LYST: variants seen among roughly 807,000 people sequenced by gnomAD.
LYST encodes lysosomal trafficking regulator.
A neutral mutation model predicts 413.6 loss-of-function variants in LYST; 192 were observed. The ratio of observed to expected loss-of-function variants is 0.46; its 90% CI spans 0.41 to 0.52. LYST has a LOEUF of 0.52. LYST is among the 20% of genes least tolerant of loss of function. LYST has a pLI of 0.00. For missense variants in LYST, 3,815 were observed against 4,499.9 expected (o/e 0.85, Z 4.35); for synonymous variants, 1,525 against 1,567.3 (o/e 0.97, Z 0.64).
intron 37 of LYST, among the ~76,000 whole-genome samples, chr1:235,728,352 C>T (rs1664081782): frequency 6.6e-6 from 1 of 152,038 alleles, no homozygotes; most frequent in Non-Finnish European, 1.5e-5. Context: ...AAAAAGGTTG[C>T]AGGGAGCTCT....
Position 235,777,149 on chromosome 1 carries a change from T to A in LYST, c.5374A>T (p.Asn1792Tyr). ...SILLEPHHLK[N>Y]LQPTEYKTIQ... ...GTTTTATATTCAGTAGGTTGGAGAT[T>A]CTTTAGATGATGAGGTTCTAATAAG... Residue 1792 changes from asparagine (N) to tyrosine (Y), a missense_variant, in exon 17 of 53, where the codon AAT (asparagine) becomes TAT (tyrosine). Asn to Tyr is a moderately radical substitution (Grantham distance 143). Coordinates refer to ENST00000389793, the MANE Select transcript of LYST (RefSeq NM_000081.4). 6.2e-7 allele frequency: 1 copy of A among 1,613,404 alleles called. No individual in the cohort carries two copies. The highest frequency in any genetic ancestry group is 8.5e-7 in the Non-Finnish European group (1 of 1,179,510).
intron 3 of LYST, among the ~76,000 whole-genome samples, chr1:235,818,632 T>C (rs1348227261): frequency 6.6e-6 from 1 of 151,624 alleles, no homozygotes; most frequent in Non-Finnish European, 1.5e-5. Context: ...ATGTACATGG[T>C]CTTTTAAAAA....
At position 235,759,460 on chromosome 1, in the gene LYST, C is replaced by A. The variant is rs149188765; in HGVS notation, c.6393G>T (p.Arg2131Ser). 5.0e-6 allele frequency: 8 copies of A among 1,613,926 alleles called. No homozygotes were observed. The African/African-American group carries it at 5.3e-5, about 11-fold the overall frequency. ...CATAAGTATCTGCAATATTTTGTAA[C>A]CTGTCGATACTACAACCCAAACTTC... ...LTGSLGCSID[R>S]LQNIADTYVA... is the part of the protein sequence containing the mutation. The change falls in exon 23 of 53, where the codon AGG becomes AGT. Residue 2131 changes from arginine to serine, a missense_variant. Physicochemically the swap from Arg to Ser is moderately radical, Grantham distance 110 (BLOSUM62 -1). This residue lies in a region of LYST where 530 missense variants were observed against 696.5 expected (regional missense o/e 0.76). Coordinates refer to ENST00000389793, the MANE Select transcript of LYST (RefSeq NM_000081.4).
chr1:235,720,830 G>A lies in LYST; in HGVS notation c.9391C>T (p.Leu3131=). The part of the protein sequence containing the change: ...NLLEYGNITA[L]TNLWYTGQIT... The stretch of plus-strand genomic sequence containing the variant: ...TGCCCAGTATACCATAAATTTGTCA[G>A]AGCGGTGATGTTACCATATTCCAGA... The change falls in exon 40 of 53, where the codon CTG becomes TTG. Residue 3131 remains leucine (L), a synonymous_variant. Transcript: ENST00000389793. 2 of 1,613,902 alleles carry A rather than the reference G, an allele frequency of 1.2e-6. No homozygotes were observed. The highest frequency in any genetic ancestry group is 1.7e-6 in the Non-Finnish European group (2 of 1,179,828).
rs184235900 is a variant in LYST at position 235,810,660 on chromosome 1, G to C, written c.284-126C>G. 136 of 837,262 alleles carry C rather than the reference G, an allele frequency of 1.6e-4. No individual in the cohort carries two copies. The East Asian group carries it at 3.1e-3, about 19-fold the overall frequency. 51.9% of individuals were successfully genotyped at this position (837,262 alleles called of 1,614,324 possible). On this transcript the variant is annotated intron_variant, in intron 4 of 52. Transcript: ENST00000389793. ...TTTATCCTCAATGTATTTTGCTGCA[G>C]GGCTGATTTCCTTCATTTATGTCAT...
intron 1 of LYST, among the ~76,000 whole-genome samples, chr1:235,864,050 C>T (rs564244118): frequency 9.9e-5 from 15 of 152,252 alleles, no homozygotes; most frequent in African/African-American, 3.6e-4. Context: ...GCAAGAATCC[C>T]GTTAGGTCGG....
At chr1:235,784,648 C>G (rs985527357) in intron 14 of LYST, among the ~76,000 whole-genome samples, 23 of 152,108 alleles carry the variant, frequency 1.5e-4, no homozygotes, top group African/African-American at 5.3e-4. Context: ...TAATAATATA[C>G]CTACTTTATA....
intron 47 of LYST, among the ~76,000 whole-genome samples, chr1:235,689,457 A>G (rs1660482600): frequency 6.6e-6 from 1 of 152,188 alleles, no homozygotes; most frequent in Admixed American, 6.5e-5. Context: ...TGAACTACAG[A>G]GAGTAGAGTA....
chr1:235,773,983 A>T lies in LYST; in HGVS notation c.5643T>A (p.Leu1881=). 1 of 1,604,060 alleles carries T rather than the reference A, an allele frequency of 6.2e-7. No homozygotes were observed. Among genetic ancestry groups the T allele is most frequent in the Non-Finnish European group, 8.5e-7 (1 of 1,171,054 alleles). Residue 1881 remains leucine, a synonymous_variant, in exon 19 of 53, where the codon CTT becomes CTA. Coordinates refer to ENST00000389793, the MANE Select transcript of LYST (RefSeq NM_000081.4). ...TAATATCTTCACCACAGCATCCTTC[A>T]AGAAGGGTCTATAGAAAATTAGCAT... is the stretch of plus-strand genomic sequence containing the variant. ...IVGFYILKTL[L]EGCCGEDIIY...
chr1:235,775,674 C>A (rs1178254299), intron 17 of LYST, among the ~76,000 whole-genome samples: 1 of 151,960 alleles, frequency 6.6e-6, no homozygotes, highest in East Asian at 1.9e-4. Context: ...GGGAAGGCTA[C>A]ACAGAGAGAA....
intron 7 of LYST, 64 bp downstream of exon 7, chr1:235,804,440 C>T: frequency 3.9e-6 from 5 of 1,289,288 alleles, no homozygotes; most frequent in Non-Finnish European, 1.1e-6. Flanking sequence ...GTCCTAGTGT[C>T]ATCCCACACT....
At chr1:235,864,160 C>T (rs1400015112) in intron 1 of LYST, among the ~76,000 whole-genome samples, 4 of 152,146 alleles carry the variant, frequency 2.6e-5, no homozygotes, top group African/African-American at 7.2e-5. Context: ...TTTTCTCATG[C>T]TGTATTCGGA....
chr1:235,866,577 A>T (rs1680552184), intron 1 of LYST, among the ~76,000 whole-genome samples: 1 of 152,208 alleles, frequency 6.6e-6, no homozygotes, highest in South Asian at 2.1e-4. Flanking sequence ...AGAGGGGCCC[A>T]GCCGAGCTCC....
intron 1 of LYST, among the ~76,000 whole-genome samples, chr1:235,872,468 G>C (rs1007962701): frequency 3.3e-5 from 5 of 152,120 alleles, no homozygotes; most frequent in African/African-American, 1.2e-4. Flanking sequence ...ATAGACCGAG[G>C]GGGGATCCAG....
chr1:235,825,936 T>A (rs557174026), intron 3 of LYST, among the ~76,000 whole-genome samples: 1 of 152,124 alleles, frequency 6.6e-6, no homozygotes, highest in African/African-American at 2.4e-5. Flanking sequence ...CTTATTTTTA[T>A]AAAAGCCACA....
intron 16 of LYST, 79 bp downstream of exon 16, chr1:235,780,786 T>C (rs551465989): frequency 4.1e-4 from 209 of 510,410 alleles, no homozygotes; most frequent in Non-Finnish European, 4.5e-4. Context: ...TTTAGAAATC[T>C]AATTCATAAC....
intron 28 of LYST, among the ~76,000 whole-genome samples, chr1:235,750,020 C>T (rs754248708): frequency 6.6e-6 from 1 of 152,002 alleles, no homozygotes; most frequent in African/African-American, 2.4e-5. Flanking sequence ...AAAGAAACAG[C>T]AGGGGTAGTA....
At position 235,730,567 on chromosome 1, in the gene LYST, ATGTGTGTGTGTGTG is replaced by A. The variant is rs4006790; in HGVS notation, c.9044+266_9044+279del. Among the ~76,000 whole-genome samples the A allele has an allele frequency of 5.6e-3, 766 of 137,616 alleles. 11 individuals are homozygous for A. The highest frequency in any genetic ancestry group is 0.02 in the African/African-American group (719 of 36,794). The allele number at this position is 137,616 out of a possible 152,430, so 90.3% of individuals were successfully genotyped here. ...TATGTGTATATATATACATATTTAT[ATGTGTGTGTGTGTG>A]TGTGTGTGTGTGTGTGTGTGTGTGT... On this transcript the variant is annotated intron_variant, in intron 36 of 52. Transcript: ENST00000389793.
rs1658304242 is a variant in LYST at position 235,664,890 on chromosome 1, T to C, written c.11039-269A>G. 6.6e-6 allele frequency among the ~76,000 whole-genome samples: 1 copy of C among 152,194 alleles called. No homozygotes were observed. The highest frequency in any genetic ancestry group is 2.1e-4 in the South Asian group (1 of 4,828). On this transcript the variant is annotated intron_variant, in intron 50 of 52. Transcript: ENST00000389793. The surrounding 1 kb of genome is among the most constrained non-coding windows in gnomAD (Gnocchi z 4.5). ...TGGCTCACTGTAACTGCCTCCTGAA[T>C]TCAAGAGATTCTTCTGCCTCAGCCT...
Sources: gnomAD v4.1 joint callset for allele counts (sites outside exome capture counted in the v4.1 genomes callset) on GRCh38, gnomAD v4.1.1 for gene constraint, gnomAD v4.1.1 regional missense constraint, Gnocchi (gnomAD v3.1) non-coding constraint, MANE v1.5 for transcripts, NCBI Gene and HGNC (gene_info 2026-07-23, HGNC 2026-07-21) for gene names.